The following CNTN5 variants were observed in gnomAD, a reference collection of about 807,000 sequenced individuals.
CNTN5 encodes the protein contactin-5.
In CNTN5, 77 loss-of-function variants were observed where a neutral mutation model predicts 129.1. The ratio of observed to expected loss-of-function variants is 0.60; its 90% CI spans 0.50 to 0.72. The LOEUF is 0.72. Among genes scored for constraint, CNTN5 ranks in the 30% least tolerant of loss-of-function variants. The probability of loss-of-function intolerance (pLI) is 0.00; values close to 1 mark genes in which losing one functional copy is unlikely to be tolerated. For missense variants in CNTN5, 1,478 were observed against 1,328.8 expected (o/e 1.11, Z -1.75); for synonymous variants, 509 against 465.6 (o/e 1.09, Z -1.20).
At chr11:99,885,030 G>T (rs1224382716) in intron 6 of CNTN5, among the ~76,000 whole-genome samples, 2 of 152,070 alleles carry the variant, frequency 1.3e-5, no homozygotes, top group Non-Finnish European at 2.9e-5. Flanking sequence ...CACCTGTAAT[G>T]ACAGCACTCT....
At chr11:99,751,056 T>G (rs1460136665) in intron 3 of CNTN5, among the ~76,000 whole-genome samples, 1 of 152,088 alleles carries the variant, frequency 6.6e-6, no homozygotes, top group Non-Finnish European at 1.5e-5. Flanking sequence ...GATTATAACT[T>G]AAGGGTGCAG....
chr11:99,646,997 CTT>C (rs933886320), intron 3 of CNTN5, among the ~76,000 whole-genome samples: 2 of 151,862 alleles, frequency 1.3e-5, no homozygotes, highest in South Asian at 2.1e-4. Context: ...TCTTTTTACT[CTT>C]GTTTCCTTTG....
chr11:99,968,820 A>T (rs527781763), intron 8 of CNTN5, among the ~76,000 whole-genome samples: 1 of 151,754 alleles, frequency 6.6e-6, no homozygotes, highest in African/African-American at 2.4e-5. Flanking sequence ...AAGTTTTGAC[A>T]GGAACACTCC....
intron 1 of CNTN5, among the ~76,000 whole-genome samples, chr11:99,088,244 T>C (rs768749143): frequency 1.2e-4 from 18 of 152,196 alleles, no homozygotes; most frequent in Non-Finnish European, 2.1e-4. Context: ...CAAAGGTTGA[T>C]GTGTTCTTAT....
rs560847058 is a variant in CNTN5, at chr11:99,897,390, G to T, written c.578-18664G>T. On this transcript the variant is annotated intron_variant, in intron 6 of 24. Transcript: ENST00000524871. ...GTGCTAAAGAAAAAATGTTAAAGGC[G>T]GCTAGAGAAAAGGTTCAAATCATCT... Among the ~76,000 whole-genome samples, 70 of 152,094 alleles carry T rather than the reference G, an allele frequency of 4.6e-4. No individual in the cohort carries two copies. The South Asian group carries it at 0.014, about 31-fold the overall frequency.
intron 23 of CNTN5, among the ~76,000 whole-genome samples, chr11:100,345,073 G>A (rs186467321): frequency 6.1e-4 from 93 of 152,060 alleles, no homozygotes; most frequent in Non-Finnish European, 9.7e-4. Context: ...GTCCAAGAAA[G>A]CACTGTCTTA....
chr11:99,411,266 A>G (rs1942378191), intron 2 of CNTN5, among the ~76,000 whole-genome samples: 1 of 152,192 alleles, frequency 6.6e-6, no homozygotes, highest in Admixed American at 6.5e-5. Context: ...AGTAGCTCAC[A>G]CCTGCAATCC....
chr11:100,276,870 A>G (rs1030106438), intron 18 of CNTN5, among the ~76,000 whole-genome samples: 1 of 151,638 alleles, frequency 6.6e-6, no homozygotes, highest in African/African-American at 2.4e-5. Flanking sequence ...TTTTTTTACT[A>G]TAGTCACCCT....
intron 3 of CNTN5, among the ~76,000 whole-genome samples, chr11:99,627,090 T>A (rs1185115410): frequency 6.6e-6 from 1 of 152,014 alleles, no homozygotes; most frequent in African/African-American, 2.4e-5. Flanking sequence ...GCAGAAAGAT[T>A]GGTGGATAGA....
At chr11:99,443,593 C>G (rs1050757517) in intron 2 of CNTN5, among the ~76,000 whole-genome samples, 6 of 152,126 alleles carry the variant, frequency 3.9e-5, no homozygotes, top group African/African-American at 1.4e-4. Context: ...TATTTAATAG[C>G]AATGGCTCAA....
chr11:99,786,644 T>C (rs1291399958), intron 3 of CNTN5, among the ~76,000 whole-genome samples: 1 of 152,166 alleles, frequency 6.6e-6, no homozygotes, highest in Non-Finnish European at 1.5e-5. Flanking sequence ...ATGGTACTGG[T>C]ACCAAAACAG....
intron 2 of CNTN5, among the ~76,000 whole-genome samples, chr11:99,458,675 C>G (rs986622958): frequency 6.6e-6 from 1 of 151,884 alleles, no homozygotes; most frequent in African/African-American, 2.4e-5. Context: ...CAAGCGAATG[C>G]CCATACTTGA....
chr11:99,201,165 C>T (rs181164252), intron 1 of CNTN5, among the ~76,000 whole-genome samples: 1 of 151,606 alleles, frequency 6.6e-6, no homozygotes, highest in Non-Finnish European at 1.5e-5. Context: ...GCTGGGACTA[C>T]AGGCCTGCGC....
intron 12 of CNTN5, among the ~76,000 whole-genome samples, chr11:100,073,086 G>T (rs911293086): frequency 2.1e-5 from 3 of 144,204 alleles, no homozygotes; most frequent in Non-Finnish European, 4.5e-5. Context: ...TCTCACTGTC[G>T]CTCAGGCTGG....
At chr11:99,669,441 G>GGTGT (rs767426378) in intron 3 of CNTN5, among the ~76,000 whole-genome samples, 1,608 of 105,978 alleles carry the variant, frequency 0.015, 23 homozygotes, top group Middle Eastern at 0.05. Flanking sequence ...TATTAAATAT[G>GGTGT]GTGTGTGTGT....
At chr11:99,033,979 GC>G (rs1863551645) in intron 1 of CNTN5, among the ~76,000 whole-genome samples, 2 of 151,900 alleles carry the variant, frequency 1.3e-5, no homozygotes, top group South Asian at 2.1e-4. Context: ...TTAGCATGAA[GC>G]GTTGTTGAAT....
At chr11:99,299,131 A>G (rs769808366) in intron 1 of CNTN5, among the ~76,000 whole-genome samples, 36 of 152,180 alleles carry the variant, frequency 2.4e-4, no homozygotes, top group Non-Finnish European at 4.7e-4. Flanking sequence ...TACAAGACAT[A>G]CCAAAAAATA....
At chr11:99,845,494 T>TC (rs1450875103) in intron 6 of CNTN5, among the ~76,000 whole-genome samples, 2 of 141,452 alleles carry the variant, frequency 1.4e-5, no homozygotes, top group African/African-American at 5.3e-5. Flanking sequence ...TGCCTCAGCC[T>TC]CCCAAGTAGC....
At chr11:99,994,097 T>C (rs1939296055) in intron 8 of CNTN5, among the ~76,000 whole-genome samples, 1 of 152,168 alleles carries the variant, frequency 6.6e-6, no homozygotes, top group Admixed American at 6.5e-5. Context: ...AGGCTGTATC[T>C]GGGCAAAATT....
Sources: allele counts gnomAD v4.1 joint callset (sites outside exome capture counted in the v4.1 genomes callset), GRCh38; gene constraint gnomAD v4.1.1; transcripts MANE v1.5; gene names NCBI Gene and HGNC (gene_info 2026-07-23, HGNC 2026-07-21).